Variants in CSMD3 observed in about 807,000 individuals in gnomAD.
CSMD3 encodes CUB and Sushi multiple domains 3.
Under a neutral mutation model 435.2 loss-of-function variants are expected in CSMD3, and 177 were observed. The observed-to-expected ratio is 0.41, with a 90% confidence interval of 0.36 to 0.46. The LOEUF is 0.46. Ranked by LOEUF, CSMD3 falls within the 20% of genes least tolerant of loss-of-function variation. The probability of loss-of-function intolerance (pLI) is 0.34; values close to 1 mark genes in which losing one functional copy is unlikely to be tolerated. For missense variants in CSMD3, 4,265 were observed against 4,504.6 expected, an observed-to-expected ratio of 0.95 and a Z score of 1.52; for synonymous variants, 1,656 against 1,520.5, an observed-to-expected ratio of 1.09 and a Z score of -2.07.
chr8:112,550,991 A>T lies in CSMD3; in HGVS notation c.4362-118T>A, dbSNP rs567607944. ...TAGTTCTTTTTTGCTATGTGTTAAA[A>T]ATGAATTACATAAACAGCATATATT... On this transcript the variant is annotated intron_variant, in intron 26 of 70. Transcript: ENST00000297405. The T allele has an allele frequency of 1.6e-5, 12 of 728,178 alleles. No individual in the cohort carries two copies. The East Asian group carries it at 3.2e-4, about 20-fold the overall frequency. The allele number at this position is 728,178 out of a possible 1,614,324, so 45.1% of individuals were successfully genotyped here.
chr8:112,264,230 T>C (rs1816721956), intron 60 of CSMD3, among the ~76,000 whole-genome samples: 1 of 152,188 alleles, frequency 6.6e-6, no homozygotes, highest in Admixed American at 6.6e-5. Flanking sequence ...AATTTGAAAG[T>C]AGTTCTGTGA....
In CSMD3 at chr8:113,053,346, T is replaced by C. The variant is rs111579315; in HGVS notation, c.918-34167A>G. 3.5e-3 allele frequency among the ~76,000 whole-genome samples: 540 copies of C among 152,246 alleles called. 3 individuals carry two copies. Among genetic ancestry groups the C allele is most frequent in the African/African-American group, 0.012 (504 of 41,542 alleles). On this transcript the variant is annotated intron_variant, in intron 5 of 70. Transcript: ENST00000297405. Reference sequence around the variant, plus strand: ...ACTGGTTAAAATTATATAATTTAAGTAGGAATATTGTATTCTTAAACTTTT... The same window carrying C: ...ACTGGTTAAAATTATATAATTTAAGCAGGAATATTGTATTCTTAAACTTTT...
chr8:112,787,747 CT>C (rs1318010837), intron 13 of CSMD3, among the ~76,000 whole-genome samples: 1 of 151,954 alleles, frequency 6.6e-6, no homozygotes, highest in Non-Finnish European at 1.5e-5. Context: ...AACAGTTGAA[CT>C]CATGGAGATA....
At chr8:113,285,205 T>A (rs2093637289) in intron 2 of CSMD3, among the ~76,000 whole-genome samples, 1 of 151,972 alleles carries the variant, frequency 6.6e-6, no homozygotes, top group Non-Finnish European at 1.5e-5. Flanking sequence ...TATGAAGTCA[T>A]TGAATTAAAG....
chr8:112,485,814 C>T (rs78977158), intron 31 of CSMD3, among the ~76,000 whole-genome samples: 3,146 of 152,088 alleles, frequency 0.021, 47 homozygotes, highest in Non-Finnish European at 0.031. Flanking sequence ...TTGTATCATT[C>T]CACATATACT....
intron 27 of CSMD3, among the ~76,000 whole-genome samples, chr8:112,536,845 A>AATG (rs1826145680): frequency 6.6e-6 from 1 of 152,004 alleles, no homozygotes. Flanking sequence ...AGCCATAAAA[A>AATG]ATGATGAGTT....
chr8:113,176,574 A>G (rs1415686922), intron 3 of CSMD3, among the ~76,000 whole-genome samples: 1 of 152,170 alleles, frequency 6.6e-6, no homozygotes, highest in Non-Finnish European at 1.5e-5. Context: ...TTTACTTTTA[A>G]GTAATAAAAA....
intron 7 of CSMD3, among the ~76,000 whole-genome samples, chr8:112,955,831 A>G (rs2083996362): frequency 6.6e-6 from 1 of 151,940 alleles, no homozygotes; most frequent in African/African-American, 2.4e-5. Flanking sequence ...TCATGCTATA[A>G]ATTTAAAAAA....
Position 112,598,908 on chromosome 8 carries a change from T to G in CSMD3, c.3716-11673A>C, listed in dbSNP as rs1322250423. Among the ~76,000 whole-genome samples the G allele has an allele frequency of 4.0e-5, 6 of 151,848 alleles. No homozygotes were observed. In the Middle Eastern group the frequency reaches 0.014, roughly 344 times the overall value. ...GACTTAAACGTTAGACCTAAAACCA[T>G]AAAAACCCTAGAAGAAAACCTAGGC... On this transcript the variant is annotated intron_variant, in intron 22 of 70. Coordinates refer to ENST00000297405, the MANE Select transcript of CSMD3 (RefSeq NM_198123.2).
intron 34 of CSMD3, 48 bp from the exon 35 acceptor site, chr8:112,406,775 A>C (rs1831899230): frequency 8.2e-7 from 1 of 1,212,274 alleles, no homozygotes; most frequent in South Asian, 1.5e-5. Flanking sequence ...GTAGACAAAT[A>C]CAGATTTCAA....
At chr8:112,337,861 G>T in intron 42 of CSMD3, 130 bp from the exon 43 acceptor site, 1 of 626,726 alleles carries the variant, frequency 1.6e-6, no homozygotes, top group Non-Finnish European at 2.8e-6. Flanking sequence ...TAGCAATTCA[G>T]GTTTATGATA....
chr8:113,425,863 A>G (rs1052561583), intron 1 of CSMD3, among the ~76,000 whole-genome samples: 2 of 151,620 alleles, frequency 1.3e-5, no homozygotes, highest in Non-Finnish European at 3.0e-5. Flanking sequence ...TAGGAAGCCG[A>G]AAGTTGGCAC....
At chr8:113,150,929 T>G (rs1406218603) in intron 4 of CSMD3, among the ~76,000 whole-genome samples, 1 of 151,840 alleles carries the variant, frequency 6.6e-6, no homozygotes, top group African/African-American at 2.4e-5. Context: ...ATAAGCACAG[T>G]CCATAGCAAA....
chr8:113,123,900 A>G (rs923336233), intron 4 of CSMD3, among the ~76,000 whole-genome samples: 2 of 151,912 alleles, frequency 1.3e-5, no homozygotes, highest in Non-Finnish European at 2.9e-5. Flanking sequence ...TGTGTTAAGG[A>G]CATCTTACTC....
chr8:112,356,628 C>T (rs1317045441), intron 38 of CSMD3, among the ~76,000 whole-genome samples: 2 of 151,354 alleles, frequency 1.3e-5, no homozygotes, highest in Non-Finnish European at 2.9e-5. Flanking sequence ...GAATTCTCAT[C>T]TTGAATTCCC....
At chr8:112,339,929 C>A (rs182046469) in intron 42 of CSMD3, among the ~76,000 whole-genome samples, 2 of 151,990 alleles carry the variant, frequency 1.3e-5, no homozygotes, top group Non-Finnish European at 2.9e-5. Context: ...GTTAATAATA[C>A]GTCAGTAACA....
At chr8:112,365,101 C>T (rs1827637353) in intron 38 of CSMD3, among the ~76,000 whole-genome samples, 1 of 144,858 alleles carries the variant, frequency 6.9e-6, no homozygotes, top group Admixed American at 6.8e-5. Flanking sequence ...AATGTTTAAA[C>T]TTCTCTCTAA....
At chr8:113,348,817 T>C (rs1056404669) in intron 1 of CSMD3, among the ~76,000 whole-genome samples, 5 of 152,118 alleles carry the variant, frequency 3.3e-5, no homozygotes, top group African/African-American at 4.8e-5. Context: ...ACGTGTATCA[T>C]ACAGAATATT....
intron 1 of CSMD3, among the ~76,000 whole-genome samples, chr8:113,340,794 G>A (rs916088637): frequency 6.6e-6 from 1 of 151,714 alleles, no homozygotes; most frequent in African/African-American, 2.4e-5. Flanking sequence ...GCTTGAGCTT[G>A]GAAGTCGGAG....
Sources: allele counts gnomAD v4.1 joint callset (sites outside exome capture counted in the v4.1 genomes callset), GRCh38; gene constraint gnomAD v4.1.1; transcripts MANE v1.5; gene names NCBI Gene and HGNC (gene_info 2026-07-23, HGNC 2026-07-21).